PRKN: variants seen among roughly 807,000 people sequenced by gnomAD.
The protein encoded by PRKN is parkin RBR E3 ubiquitin protein ligase.
In PRKN, 56 loss-of-function variants were observed where a neutral mutation model predicts 59.5. That is an observed-to-expected ratio of 0.94 (90% CI 0.76 to 1.18). The LOEUF (loss-of-function observed/expected upper bound fraction) is 1.18. PRKN is among the 50% of genes most tolerant of loss of function. PRKN has a pLI of 0.00. For missense variants in PRKN, 657 were observed against 596.4 expected, an observed-to-expected ratio of 1.10 and a Z score of -1.06; for synonymous variants, 250 against 222.1, an observed-to-expected ratio of 1.13 and a Z score of -1.12.
chr6:161,520,775 A>G (rs1778790948), intron 9 of PRKN, among the ~76,000 whole-genome samples: 1 of 152,206 alleles, frequency 6.6e-6, no homozygotes, highest in South Asian at 2.1e-4. Flanking sequence ...GCTGATGAGT[A>G]GGCTTGACTT....
chr6:162,553,542 CA>C (rs57807120), intron 1 of PRKN, among the ~76,000 whole-genome samples: 45,944 of 114,378 alleles, frequency 0.4, 9,080 homozygotes, highest in Non-Finnish European at 0.52. Flanking sequence ...TGTTTACTAC[CA>C]AAAAAAAAAA....
At chr6:161,696,862 A>G (rs192842982) in intron 7 of PRKN, among the ~76,000 whole-genome samples, 1 of 152,338 alleles carries the variant, frequency 6.6e-6, no homozygotes, top group East Asian at 1.9e-4. Context: ...CTCAGTACTA[A>G]GCATCCAACT....
At chr6:161,655,090 A>T (rs1382487371) in intron 7 of PRKN, among the ~76,000 whole-genome samples, 2 of 150,848 alleles carry the variant, frequency 1.3e-5, no homozygotes, top group African/African-American at 2.5e-5. Context: ...GGGCCCACCC[A>T]GGCTCTCAGC....
At chr6:162,264,757 A>T (rs1780052123) in intron 2 of PRKN, 1 of 152,254 alleles carries the variant, frequency 6.6e-6, no homozygotes, top group South Asian at 2.1e-4. Flanking sequence ...TGTCAAAGGA[A>T]AAACCATCCC....
At chr6:161,786,411 A>T (rs1790422104) in intron 6 of PRKN, among the ~76,000 whole-genome samples, 1 of 152,144 alleles carries the variant, frequency 6.6e-6, no homozygotes, top group African/African-American at 2.4e-5. Flanking sequence ...TAAATCTTTA[A>T]AACATTTTAA....
chr6:161,672,959 T>A (rs991922628), intron 7 of PRKN, among the ~76,000 whole-genome samples: 2 of 152,188 alleles, frequency 1.3e-5, no homozygotes, highest in Non-Finnish European at 2.9e-5. Context: ...AATGACAGTA[T>A]CAATGGAACA....
At chr6:162,279,671 A>G (rs113089301) in intron 2 of PRKN, among the ~76,000 whole-genome samples, 1,945 of 152,208 alleles carry the variant, frequency 0.013, 45 homozygotes, top group African/African-American at 0.041. Context: ...GCAGAGTTCT[A>G]TAGATGTCTA....
chr6:161,514,472 G>A (rs1040439938), intron 9 of PRKN, among the ~76,000 whole-genome samples: 1 of 152,074 alleles, frequency 6.6e-6, no homozygotes, highest in African/African-American at 2.4e-5. Flanking sequence ...AAGAAGGCAA[G>A]GTTTTAAAAC....
In PRKN at chr6:161,404,756, G is replaced by T. The variant is rs1426185796; in HGVS notation, c.1084-17879C>A. Among the ~76,000 whole-genome samples the T allele has an allele frequency of 1.1e-4, 16 of 152,168 alleles. No individual in the cohort carries two copies. In the South Asian group the frequency reaches 3.3e-3, roughly 32 times the overall value. On this transcript the variant is annotated intron_variant, in intron 9 of 11. Transcript: ENST00000366898. ...AAAATCAAGCATTTTCCATGGGAAGGCTCTGTTTCTAAGGATTGAAATGCT... is the reference window on the plus strand; with the variant it reads ...AAAATCAAGCATTTTCCATGGGAAGTCTCTGTTTCTAAGGATTGAAATGCT...
chr6:162,440,035 C>T (rs542075249), intron 2 of PRKN, among the ~76,000 whole-genome samples: 37 of 152,196 alleles, frequency 2.4e-4, no homozygotes, highest in African/African-American at 8.9e-4. Flanking sequence ...AGTGTAGTTG[C>T]TGGGAGGAAG....
rs1031804902 is a variant in PRKN, at chr6:161,405,532, C to T, written c.1084-18655G>A. 1.2e-4 allele frequency among the ~76,000 whole-genome samples: 18 copies of T among 151,644 alleles called. No homozygotes were observed. The highest frequency in any genetic ancestry group is 4.0e-4 in the Admixed American group (6 of 15,188). ...TGTGCAGGTTGTAGTGACCCAAGAT[C>T]GTGCCATTGCACCCCACTCCAGCCT... On this transcript the variant is annotated intron_variant, in intron 9 of 11. Transcript: ENST00000366898. The surrounding 1 kb of genome is among the most constrained non-coding windows in gnomAD (Gnocchi z 5.1).
At chr6:162,315,537 T>G (rs2128119575) in intron 2 of PRKN, among the ~76,000 whole-genome samples, 1 of 152,332 alleles carries the variant, frequency 6.6e-6, no homozygotes, top group South Asian at 2.1e-4. Flanking sequence ...CAAATTTAAC[T>G]GGTTGTCTTG....
chr6:161,351,235 A>T (rs1784540107), intron 11 of PRKN, among the ~76,000 whole-genome samples: 1 of 146,300 alleles, frequency 6.8e-6, no homozygotes. Flanking sequence ...ATATATTTTG[A>T]TTTATTTTTG....
rs2128100034 is a variant in PRKN at position 162,262,579 on chromosome 6, C to T, written c.358G>A (p.Ala120Thr). Residue 120 changes from alanine to threonine, a missense_variant, in exon 3 of 12, where the codon GCT becomes ACT. Physicochemically the swap from Ala to Thr is moderately conservative, Grantham distance 58. Transcript: ENST00000366898. ...CTGCTGTCAGTGTGCAGAATGACAG[C>T]CAGCCCCACAGAGTCTCCTGGGAGG... The part of the protein sequence containing the change: ...SVLPGDSVGL[A>T]VILHTDSRKD... The T allele has an allele frequency of 6.2e-7, 1 of 1,613,136 alleles. No homozygotes were observed. Among genetic ancestry groups the T allele is most frequent in the Non-Finnish European group, 8.5e-7 (1 of 1,179,198 alleles).
chr6:161,703,896 C>T (rs1444481326), intron 7 of PRKN, among the ~76,000 whole-genome samples: 1 of 115,602 alleles, frequency 8.7e-6, no homozygotes, highest in Non-Finnish European at 1.6e-5. Flanking sequence ...TGCTCTGTCA[C>T]TCAGGCTAGA....
At chr6:162,662,978 G>C (rs909165765) in intron 1 of PRKN, among the ~76,000 whole-genome samples, 2 of 152,102 alleles carry the variant, frequency 1.3e-5, no homozygotes, top group African/African-American at 4.8e-5. Flanking sequence ...AAGGAACCAA[G>C]AGCCTTGACA....
At chr6:161,532,658 T>TAG (rs1779265624) in intron 9 of PRKN, among the ~76,000 whole-genome samples, 1 of 152,190 alleles carries the variant, frequency 6.6e-6, no homozygotes, top group Non-Finnish European at 1.5e-5. Flanking sequence ...CCTTGCTAAA[T>TAG]AGAAATCATG....
rs761449744 is a variant in PRKN, at chr6:162,022,519, G to A, written c.618+31572C>T. On this transcript the variant is annotated intron_variant, in intron 5 of 11. Coordinates refer to ENST00000366898, the MANE Select transcript of PRKN (RefSeq NM_004562.3). ...TCATGTCCTTTGTCCCCTTTTAACC[G>A]GTCTTTATTGTTGTTGTTGTTGATT... 4.0e-5 allele frequency among the ~76,000 whole-genome samples: 6 copies of A among 151,890 alleles called. No homozygotes were observed. The East Asian group carries it at 5.8e-4, about 15-fold the overall frequency.
intron 7 of PRKN, among the ~76,000 whole-genome samples, chr6:161,608,055 T>C (rs1192229031): frequency 6.6e-6 from 1 of 151,986 alleles, no homozygotes; most frequent in Non-Finnish European, 1.5e-5. Flanking sequence ...GAGAGAAAAA[T>C]CAGTGCAGAA....
Sources: gnomAD v4.1 joint callset for allele counts (sites outside exome capture counted in the v4.1 genomes callset) on GRCh38, gnomAD v4.1.1 for gene constraint, Gnocchi (gnomAD v3.1) non-coding constraint, MANE v1.5 for transcripts, NCBI Gene and HGNC (gene_info 2026-07-23, HGNC 2026-07-21) for gene names.